PSKH2: variants seen among roughly 807,000 people sequenced by gnomAD.
The protein encoded by PSKH2 is serine/threonine-protein kinase H2.
Under a neutral mutation model 22.5 loss-of-function variants are expected in PSKH2, and 16 were observed. That is an observed-to-expected ratio of 0.71 (90% CI 0.48 to 1.08). PSKH2 has a LOEUF of 1.08. Ranked by LOEUF, PSKH2 falls within the 50% of genes least tolerant of loss-of-function variation. PSKH2 has a pLI of 0.00. For synonymous variants in PSKH2, 188 were observed against 184.8 expected (o/e 1.02, Z -0.14); for missense variants, 516 against 492.8 (o/e 1.05, Z -0.44).
intron 1 of PSKH2, among the ~76,000 whole-genome samples, chr8:86,065,799 C>T (rs1817848165): frequency 4.6e-5 from 7 of 151,802 alleles, no homozygotes; most frequent in Admixed American, 4.6e-4. Context: ...AAACTGAGAC[C>T]CCTTCTCTAT....
chr8:86,055,369 T>C (rs1817687169), intron 2 of PSKH2, among the ~76,000 whole-genome samples: 1 of 152,146 alleles, frequency 6.6e-6, no homozygotes, highest in African/African-American at 2.4e-5. Context: ...GAAACACTTA[T>C]TGTCTGTGAT....
intron 1 of PSKH2, among the ~76,000 whole-genome samples, chr8:86,067,016 A>C (rs1453849845): frequency 6.6e-6 from 1 of 152,218 alleles, no homozygotes; most frequent in Non-Finnish European, 1.5e-5. Context: ...ATTTATCGCT[A>C]TGCCCTCAAA....
intron 2 of PSKH2, among the ~76,000 whole-genome samples, chr8:86,050,967 T>A (rs1331186986): frequency 6.6e-6 from 1 of 152,140 alleles, no homozygotes; most frequent in Non-Finnish European, 1.5e-5. Context: ...GGACTTGAAC[T>A]CCTCCTGGTC....
Position 86,061,088 on chromosome 8 carries a change from G to C in PSKH2, c.852+2877C>G, listed in dbSNP as rs182272242. On this transcript the variant is annotated intron_variant, in intron 2 of 2. Transcript: ENST00000276616. Reference sequence around the variant, plus strand: ...CCTCAGTGACCAACAGATAGGTGTGGTGTGAAAACCCTGCCCATTAGCCTC... The same window carrying C: ...CCTCAGTGACCAACAGATAGGTGTGCTGTGAAAACCCTGCCCATTAGCCTC... 7.6e-4 allele frequency among the ~76,000 whole-genome samples: 116 copies of C among 152,262 alleles called. 1 individual carries two copies. The highest frequency in any genetic ancestry group is 6.8e-3 in the Middle Eastern group (2 of 294).
chr8:86,049,745 A>AGGAAAGAAAGAAAG (rs1817598368), intron 2 of PSKH2, among the ~76,000 whole-genome samples: 1 of 26,762 alleles, frequency 3.7e-5, no homozygotes, highest in South Asian at 1.1e-3. Context: ...AAAGAAAGAA[A>AGGAAAGAAAGAAAG]GAAACGAAAG....
intron 1 of PSKH2, among the ~76,000 whole-genome samples, chr8:86,065,270 A>T (rs767502835): frequency 6.6e-6 from 1 of 152,166 alleles, no homozygotes; most frequent in Non-Finnish European, 1.5e-5. Context: ...GGGTTGCTTG[A>T]CTGTGAGCTC....
chr8:86,053,294 G>A (rs1192485003), intron 2 of PSKH2, among the ~76,000 whole-genome samples: 3 of 152,126 alleles, frequency 2.0e-5, no homozygotes, highest in Admixed American at 2.0e-4. Context: ...GCCACTTGCT[G>A]ACTCTGTTCT....
rs146762209 is a variant in PSKH2 at position 86,059,600 on chromosome 8, T to C, written c.852+4365A>G. ...TCTAGCTTTGACCCTCTTGTCTCCC[T>C]ACTATGAAGAAACTTGTGATCGTAT... is the stretch of plus-strand genomic sequence containing the variant. On this transcript the variant is annotated intron_variant, in intron 2 of 2. Transcript: ENST00000276616. Among the ~76,000 whole-genome samples the C allele has an allele frequency of 1.3e-3, 203 of 152,324 alleles. 1 individual carries two copies. Among genetic ancestry groups the C allele is most frequent in the Admixed American group, 6.0e-3 (92 of 15,306 alleles).
chr8:86,048,558 T>G lies in PSKH2; in HGVS notation c.1062A>C (p.Ala354=). The part of the protein sequence containing the change: ...ASPHSQSPGS[A]QSSKSHYSHK... Reference sequence around the variant, plus strand: ...GAGAATAATGTGACTTAGAAGACTGTGCAGATCCAGGACTCTGAGAGTGGG... The same window carrying G: ...GAGAATAATGTGACTTAGAAGACTGGGCAGATCCAGGACTCTGAGAGTGGG... The change falls in exon 3 of 3, where the codon GCA becomes GCC. Residue 354 remains alanine (A), a synonymous_variant. Transcript: ENST00000276616. 2 of 1,614,112 alleles carry G rather than the reference T, an allele frequency of 1.2e-6. No individual in the cohort carries two copies. The highest frequency in any genetic ancestry group is 1.7e-6 in the Non-Finnish European group (2 of 1,179,978).
chr8:86,069,673 A>C (rs1817919452), upstream of PSKH2: 2 of 1,455,442 alleles, frequency 1.4e-6, no homozygotes, highest in Non-Finnish European at 1.8e-6. Context: ...GGAAGCAGCC[A>C]GCCCCGTTCC....
chr8:86,054,273 T>C (rs1218176887), intron 2 of PSKH2, among the ~76,000 whole-genome samples: 2 of 152,192 alleles, frequency 1.3e-5, no homozygotes, highest in African/African-American at 4.8e-5. Flanking sequence ...TTCAATTCCT[T>C]GCACTAGAAA....
At chr8:86,055,359 G>C (rs1419824356) in intron 2 of PSKH2, among the ~76,000 whole-genome samples, 5 of 152,082 alleles carry the variant, frequency 3.3e-5, no homozygotes, top group Non-Finnish European at 5.9e-5. Flanking sequence ...TCCCTTCCTA[G>C]AAACACTTAT....
intron 2 of PSKH2, among the ~76,000 whole-genome samples, chr8:86,062,197 T>C (rs1423311832): frequency 3.3e-5 from 5 of 152,216 alleles, no homozygotes; most frequent in African/African-American, 1.2e-4. Flanking sequence ...TCCAATGTCA[T>C]TACAATTTTT....
intron 1 of PSKH2, 31 bp from the exon 2 acceptor site, chr8:86,064,662 C>G: frequency 2.6e-6 from 4 of 1,540,734 alleles, no homozygotes; most frequent in Non-Finnish European, 2.6e-6. Context: ...ACATGTTATC[C>G]CCAGAAGTGA....
chr8:86,065,090 A>G (rs1817838792), intron 1 of PSKH2, among the ~76,000 whole-genome samples: 1 of 152,196 alleles, frequency 6.6e-6, no homozygotes, highest in South Asian at 2.1e-4. Context: ...AAGAATGTTA[A>G]GACCCCCCTC....
Position 86,061,186 on chromosome 8 carries a change from C to T in PSKH2, c.852+2779G>A, listed in dbSNP as rs186367417. ...ACCCTCTGTGGCCTTGGCCTCTTTG[C>T]CTCCCTTGTCCTGCTCCCCTCACTC... On this transcript the variant is annotated intron_variant, in intron 2 of 2. Transcript: ENST00000276616. Among the ~76,000 whole-genome samples, 321 of 152,232 alleles carry T rather than the reference C, an allele frequency of 2.1e-3. 1 individual carries two copies. The highest frequency in any genetic ancestry group is 2.3e-3 in the Non-Finnish European group (154 of 68,016).
In PSKH2 at chr8:86,069,494, C is replaced by CGCCGCCTGG. The variant is rs1295107369; in HGVS notation, c.120_128dup (p.Ala42_Gln44dup). 6.2e-7 allele frequency: 1 copy of CGCCGCCTGG among 1,609,338 alleles called. No individual in the cohort carries two copies. Among genetic ancestry groups the CGCCGCCTGG allele is most frequent in the African/African-American group, 1.3e-5 (1 of 74,776 alleles). On this transcript the variant is annotated inframe_insertion, in exon 1 of 3. Coordinates refer to ENST00000276616, the MANE Select transcript of PSKH2 (RefSeq NM_033126.3). The stretch of plus-strand genomic sequence containing the variant: ...GGAAGCGAGCCACCTGTATCCTCTG[C>CGCCGCCTGG]GCCGCCTGGGCCGCCGCCTCGGGCC...
chr8:86,051,303 G>A (rs1180631539), intron 2 of PSKH2, among the ~76,000 whole-genome samples: 1 of 152,070 alleles, frequency 6.6e-6, no homozygotes, highest in African/African-American at 2.4e-5. Flanking sequence ...AGCCAGGCTG[G>A]TCTCAAACTC....
chr8:86,052,145 T>A (rs1817640523), intron 2 of PSKH2, among the ~76,000 whole-genome samples: 1 of 152,054 alleles, frequency 6.6e-6, no homozygotes, highest in Non-Finnish European at 1.5e-5. Context: ...CAAAAACAAC[T>A]AGGAAACCAT....
Sources: gnomAD v4.1 joint callset for allele counts (sites outside exome capture counted in the v4.1 genomes callset) on GRCh38, gnomAD v4.1.1 for gene constraint, MANE v1.5 for transcripts, NCBI Gene and HGNC (gene_info 2026-07-23, HGNC 2026-07-21) for gene names.